Variants in MYO16 observed in about 807,000 individuals in gnomAD.
MYO16 encodes the protein myosin XVI.
MYO16 carries 94 observed loss-of-function variants against 205.3 expected under a neutral mutation model. The observed-to-expected ratio is 0.46, with a 90% CI of 0.39 to 0.54. The LOEUF (loss-of-function observed/expected upper bound fraction) is 0.54, where lower values mean the gene tolerates loss of function less well. MYO16 is among the 20% of genes least tolerant of loss of function. MYO16 has a pLI of 0.00. For synonymous variants in MYO16, 988 were observed against 954.0 expected, an observed-to-expected ratio of 1.04 and a Z score of -0.66; for missense variants, 2,315 against 2,387.5, an observed-to-expected ratio of 0.97 and a Z score of 0.63.
At chr13:108,689,338 T>C (rs1173376616) in intron 2 of MYO16, among the ~76,000 whole-genome samples, 1 of 152,122 alleles carries the variant, frequency 6.6e-6, no homozygotes, top group Non-Finnish European at 1.5e-5. Context: ...ATAGTATAAT[T>C]ATTTAGCTAC....
intron 15 of MYO16, among the ~76,000 whole-genome samples, chr13:108,901,084 C>A (rs1880683283): frequency 6.6e-6 from 1 of 152,126 alleles, no homozygotes; most frequent in Non-Finnish European, 1.5e-5. Flanking sequence ...TTTGGTCAGA[C>A]CGGTTGTCTG....
intron 31 of MYO16, among the ~76,000 whole-genome samples, chr13:109,137,538 G>C (rs2139798795): frequency 6.6e-6 from 1 of 152,266 alleles, no homozygotes; most frequent in Middle Eastern, 3.4e-3. Context: ...AAAGTAACTG[G>C]AATAATGCTT....
At chr13:108,886,124 ACTACAG>A in intron 13 of MYO16, among the ~76,000 whole-genome samples, 1 of 152,126 alleles carries the variant, frequency 6.6e-6, no homozygotes, top group Non-Finnish European at 1.5e-5. Context: ...AATAGCTGGG[ACTACAG>A]GCGCCCGCCA....
intron 16 of MYO16, among the ~76,000 whole-genome samples, chr13:108,954,946 G>A (rs948250390): frequency 1.3e-5 from 2 of 152,234 alleles, no homozygotes; most frequent in Middle Eastern, 3.4e-3. Context: ...GGAGCTGGTC[G>A]CCACTGCCAC....
At chr13:108,946,644 G>GA (rs1193235996) in intron 16 of MYO16, among the ~76,000 whole-genome samples, 1 of 152,138 alleles carries the variant, frequency 6.6e-6, no homozygotes, top group African/African-American at 2.4e-5. Context: ...TTAAATGTAT[G>GA]AATAAGTGAA....
chr13:108,893,451 G>A (rs1039547083), intron 14 of MYO16, among the ~76,000 whole-genome samples: 3 of 150,608 alleles, frequency 2.0e-5, no homozygotes, highest in Admixed American at 6.6e-5. Context: ...TAGAAGGTAC[G>A]TTGTTTTGCT....
At chr13:109,065,226 G>T (rs368129708) in intron 27 of MYO16, among the ~76,000 whole-genome samples, 86 of 152,260 alleles carry the variant, frequency 5.6e-4, no homozygotes, top group South Asian at 1.7e-3. Flanking sequence ...CCTGGACTTG[G>T]CACAGCATCA....
chr13:108,550,314 C>G, the MYO16 span, among the ~76,000 whole-genome samples: 1 of 152,248 alleles, frequency 6.6e-6, no homozygotes, highest in Non-Finnish European at 1.5e-5. Context: ...TGCTGTACCC[C>G]TGAGCTTTTA....
chr13:108,881,093 C>T (rs569596618), intron 12 of MYO16, among the ~76,000 whole-genome samples: 2 of 152,212 alleles, frequency 1.3e-5, no homozygotes, highest in African/African-American at 4.8e-5. Flanking sequence ...GACGAAGCTT[C>T]CAGAGGAAGG....
At chr13:108,813,680 A>G (rs186262406) in intron 7 of MYO16, among the ~76,000 whole-genome samples, 15 of 152,266 alleles carry the variant, frequency 9.9e-5, no homozygotes, top group Admixed American at 2.0e-4. Context: ...GTTTCCTTTT[A>G]TACAGACACA....
Sources: gnomAD v4.1 joint callset for allele counts (sites outside exome capture counted in the v4.1 genomes callset) on GRCh38, gnomAD v4.1.1 for gene constraint, MANE v1.5 for transcripts, NCBI Gene and HGNC (gene_info 2026-07-23, HGNC 2026-07-21) for gene names.